PPARGC1A: variants seen among roughly 807,000 people sequenced by gnomAD.
The protein encoded by PPARGC1A is PPARG coactivator 1 alpha, also known as peroxisome proliferator-activated receptor gamma coactivator 1-alpha.
In PPARGC1A, 25 loss-of-function variants were observed where a neutral mutation model predicts 88.7. That is an observed-to-expected ratio of 0.28 (90% CI 0.21 to 0.39). The LOEUF (loss-of-function observed/expected upper bound fraction) is 0.39, where lower values mean the gene tolerates loss of function less well. Ranked by LOEUF, PPARGC1A falls within the 10% of genes least tolerant of loss-of-function variation. The pLI is 1.00. For synonymous variants in PPARGC1A, 363 were observed against 355.6 expected (o/e 1.02, Z -0.24); for missense variants, 880 against 968.7 (o/e 0.91, Z 1.22).
At chr4:24,472,383 A>T in the PPARGC1A span, among the ~76,000 whole-genome samples, 1 of 151,394 alleles carries the variant, frequency 6.6e-6, no homozygotes, top group African/African-American at 2.4e-5. This position sits in a 1 kb window ranked among gnomAD's most constrained non-coding sequence, Gnocchi z 4.5. Flanking sequence ...ACCTGGTTGG[A>T]AGGGGTTTCC....
At chr4:24,015,557 G>C in the PPARGC1A span, among the ~76,000 whole-genome samples, 3 of 152,092 alleles carry the variant, frequency 2.0e-5, no homozygotes, top group Non-Finnish European at 4.4e-5. Context: ...TTTTATTTCT[G>C]AGTCAAACTA....
chr4:24,277,201 TC>T, the PPARGC1A span, among the ~76,000 whole-genome samples: 1 of 152,082 alleles, frequency 6.6e-6, no homozygotes, highest in Non-Finnish European at 1.5e-5. Flanking sequence ...CAAGCAATCC[TC>T]CCACCTTAGC....
the PPARGC1A span, among the ~76,000 whole-genome samples, chr4:24,042,323 C>T: frequency 2.6e-5 from 4 of 152,126 alleles, no homozygotes; most frequent in Non-Finnish European, 4.4e-5. Flanking sequence ...TGTGATGCAA[C>T]ACAAATTCCA....
the PPARGC1A span, among the ~76,000 whole-genome samples, chr4:24,016,529 G>C: frequency 6.6e-6 from 1 of 152,138 alleles, no homozygotes; most frequent in Non-Finnish European, 1.5e-5. Flanking sequence ...TTCAGAAGGA[G>C]TGCCACAGCC....
chr4:24,214,637 G>A, the PPARGC1A span, among the ~76,000 whole-genome samples: 1 of 152,166 alleles, frequency 6.6e-6, no homozygotes, highest in East Asian at 1.9e-4. Flanking sequence ...TGACTAGAGT[G>A]TGCCGCCTTC....
At chr4:24,089,347 G>A in the PPARGC1A span, among the ~76,000 whole-genome samples, 2 of 151,998 alleles carry the variant, frequency 1.3e-5, no homozygotes, top group Non-Finnish European at 2.9e-5. Flanking sequence ...AATGAATGGG[G>A]GCAGCAGGCA....
chr4:24,330,962 TC>T, the PPARGC1A span, among the ~76,000 whole-genome samples: 2 of 152,140 alleles, frequency 1.3e-5, no homozygotes, highest in Non-Finnish European at 2.9e-5. Flanking sequence ...TCTATCATGA[TC>T]CCCTCTCTGA....
the PPARGC1A span, among the ~76,000 whole-genome samples, chr4:23,937,484 T>G: frequency 6.6e-6 from 1 of 151,470 alleles, no homozygotes; most frequent in African/African-American, 2.4e-5. Context: ...TTCCTTTTTC[T>G]TTTCACTAGA....
intron 7 of PPARGC1A, among the ~76,000 whole-genome samples, chr4:23,815,125 GAAA>G (rs5856793): frequency 8.2e-6 from 1 of 121,248 alleles, no homozygotes; most frequent in Admixed American, 8.0e-5. Flanking sequence ...CAACTTAGAA[GAAA>G]AAAAAAAAAA....
At chr4:24,404,397 G>T in the PPARGC1A span, among the ~76,000 whole-genome samples, 7 of 152,130 alleles carry the variant, frequency 4.6e-5, no homozygotes, top group Non-Finnish European at 8.8e-5. Context: ...CAGAATATCA[G>T]CGTACAGTGG....
chr4:23,817,357 C>T (rs1722169354), intron 7 of PPARGC1A, among the ~76,000 whole-genome samples: 1 of 152,142 alleles, frequency 6.6e-6, no homozygotes. Context: ...CCTTTTACCT[C>T]TGTCACACAT....
At chr4:24,432,591 G>T in the PPARGC1A span, among the ~76,000 whole-genome samples, 1 of 152,154 alleles carries the variant, frequency 6.6e-6, no homozygotes, top group Non-Finnish European at 1.5e-5. Flanking sequence ...TCCAGAGCGT[G>T]GTCTAATGAG....
the PPARGC1A span, among the ~76,000 whole-genome samples, chr4:23,956,478 C>T: frequency 6.6e-6 from 1 of 152,080 alleles, no homozygotes; most frequent in African/African-American, 2.4e-5. Flanking sequence ...AGTCAAACCA[C>T]AGAGTTGTCT....
the PPARGC1A span, among the ~76,000 whole-genome samples, chr4:24,157,782 G>A: frequency 3.3e-5 from 5 of 151,762 alleles, no homozygotes; most frequent in Admixed American, 3.3e-4. Flanking sequence ...TGTTGATTTG[G>A]TCTGAATCTT....
chr4:23,985,468 AT>A, the PPARGC1A span, among the ~76,000 whole-genome samples: 401 of 144,362 alleles, frequency 2.8e-3, 1 homozygote, highest in African/African-American at 8.1e-3. Context: ...TATCTCTGCA[AT>A]TTTTTTTTTT....
chr4:23,982,321 C>A, the PPARGC1A span, among the ~76,000 whole-genome samples: 4 of 152,320 alleles, frequency 2.6e-5, no homozygotes, highest in East Asian at 7.7e-4. Context: ...CATCCTTAAT[C>A]CACTGGTTCT....
chr4:24,017,647 C>T, the PPARGC1A span, among the ~76,000 whole-genome samples: 1 of 151,950 alleles, frequency 6.6e-6, no homozygotes, highest in African/African-American at 2.4e-5. Flanking sequence ...GAATATTTTT[C>T]CTAATAAAAC....
At chr4:23,859,020 CAAAT>C (rs1189219966) in intron 2 of PPARGC1A, among the ~76,000 whole-genome samples, 1 of 149,214 alleles carries the variant, frequency 6.7e-6, no homozygotes, top group African/African-American at 2.4e-5. Context: ...TTATATAATA[CAAAT>C]AAATAAGTTT....
the PPARGC1A span, among the ~76,000 whole-genome samples, chr4:23,913,713 A>T: frequency 6.6e-6 from 1 of 152,198 alleles, no homozygotes; most frequent in Admixed American, 6.5e-5. Flanking sequence ...GCGTTGAACA[A>T]ATGGATCATA....
Sources: allele counts gnomAD v4.1 joint callset (sites outside exome capture counted in the v4.1 genomes callset), GRCh38; gene constraint gnomAD v4.1.1; non-coding constraint Gnocchi (gnomAD v3.1); transcripts MANE v1.5; gene names NCBI Gene and HGNC (gene_info 2026-07-23, HGNC 2026-07-21).